ADAM12: variants seen among roughly 807,000 people sequenced by gnomAD.
ADAM12 encodes the protein ADAM metallopeptidase domain 12.
In ADAM12, 70 loss-of-function variants were observed where a neutral mutation model predicts 106.4. The ratio of observed to expected loss-of-function variants is 0.66; its 90% CI spans 0.54 to 0.80. The LOEUF (loss-of-function observed/expected upper bound fraction) is 0.80, where lower values mean the gene tolerates loss of function less well. ADAM12 is among the 30% of genes least tolerant of loss of function. The probability of loss-of-function intolerance (pLI) is 0.00; values close to 1 mark genes in which losing one functional copy is unlikely to be tolerated. For missense variants in ADAM12, 1,010 were observed against 1,171.9 expected (o/e 0.86, Z 2.02); for synonymous variants, 420 against 433.5 (o/e 0.97, Z 0.39).
chr10:126,105,731 C>G (rs537410326), intron 8 of ADAM12, among the ~76,000 whole-genome samples: 1 of 152,380 alleles, frequency 6.6e-6, no homozygotes, highest in African/African-American at 2.4e-5. Flanking sequence ...CCAGTTCTAA[C>G]TGCCGTGCTA....
intron 4 of ADAM12, 91 bp from the exon 5 acceptor site, chr10:126,135,751 A>C: frequency 8.9e-7 from 1 of 1,117,428 alleles, no homozygotes; most frequent in Non-Finnish European, 1.3e-6. Context: ...TTAACTATAG[A>C]ATTTTCCATT....
At chr10:126,210,379 C>T (rs1325433607) in intron 3 of ADAM12, among the ~76,000 whole-genome samples, 1 of 152,206 alleles carries the variant, frequency 6.6e-6, no homozygotes, top group African/African-American at 2.4e-5. Context: ...ATTTCTTCCT[C>T]ACTGCTCTGG....
At chr10:126,186,628 G>A (rs183564550) in intron 3 of ADAM12, among the ~76,000 whole-genome samples, 12 of 152,148 alleles carry the variant, frequency 7.9e-5, no homozygotes, top group Admixed American at 2.0e-4. Flanking sequence ...TGGGGGCAGT[G>A]GGCCATAGAG....
chr10:126,180,608 C>T (rs1957295795), intron 3 of ADAM12, among the ~76,000 whole-genome samples: 1 of 152,174 alleles, frequency 6.6e-6, no homozygotes, highest in Non-Finnish European at 1.5e-5. Flanking sequence ...GTCTGTCTAG[C>T]ACCTGTTTCA....
At chr10:126,290,993 A>C (rs1375452329) in intron 2 of ADAM12, among the ~76,000 whole-genome samples, 2 of 152,242 alleles carry the variant, frequency 1.3e-5, no homozygotes, top group African/African-American at 4.8e-5. Context: ...GGACATTAAA[A>C]TATTATAAAA....
intron 1 of ADAM12, among the ~76,000 whole-genome samples, chr10:126,350,777 G>A (rs1855323315): frequency 6.6e-6 from 1 of 152,202 alleles, no homozygotes; most frequent in Non-Finnish European, 1.5e-5. Context: ...AGGGTGAGTG[G>A]GAAGTGAGCC....
At chr10:126,036,430 G>C in intron 20 of ADAM12, 105 bp from the exon 21 acceptor site, 1 of 1,148,220 alleles carries the variant, frequency 8.7e-7, no homozygotes, top group South Asian at 1.7e-5. Flanking sequence ...TGAAGGCCAA[G>C]GTGGGGTAAA....
intron 11 of ADAM12, among the ~76,000 whole-genome samples, chr10:126,082,022 T>C (rs1251055658): frequency 6.6e-6 from 1 of 152,170 alleles, no homozygotes; most frequent in Non-Finnish European, 1.5e-5. Flanking sequence ...GTTTAATACA[T>C]AGATGGTGTC....
At chr10:126,121,130 A>AGTATATATAGTATATATATAGTAT (rs369707256) in intron 5 of ADAM12, among the ~76,000 whole-genome samples, 19 of 75,606 alleles carry the variant, frequency 2.5e-4, no homozygotes, top group Admixed American at 6.6e-4. Flanking sequence ...TAGTATATAT[A>AGTATATATAGTATATATATAGTAT]CTATATACTA....
intron 21 of ADAM12, among the ~76,000 whole-genome samples, chr10:126,033,479 T>TTG (rs992283490): frequency 4.5e-4 from 69 of 152,166 alleles, no homozygotes; most frequent in African/African-American, 1.5e-3. Flanking sequence ...AGTGGTGTGT[T>TTG]TGTGTGTGTG....
At chr10:126,135,701 C>T (rs531450798) in intron 4 of ADAM12, 41 bp from the exon 5 acceptor site, 2 of 1,561,072 alleles carry the variant, frequency 1.3e-6, no homozygotes, top group South Asian at 2.2e-5. Context: ...AGTTATAACA[C>T]ATTTTTGCCC....
intron 1 of ADAM12, among the ~76,000 whole-genome samples, chr10:126,354,453 G>GAACA (rs1855470155): frequency 6.6e-6 from 1 of 151,822 alleles, no homozygotes; most frequent in African/African-American, 2.4e-5. Context: ...GCAGTAGAAC[G>GAACA]TCTGCGGGAG....
Position 126,102,674 on chromosome 10 carries a change from C to G in ADAM12, c.742-1433G>C, listed in dbSNP as rs563135094. On this transcript the variant is annotated intron_variant, in intron 8 of 22. Coordinates refer to ENST00000448723, the MANE Select transcript of ADAM12 (RefSeq NM_001288973.2). The stretch of plus-strand genomic sequence containing the variant: ...TGCATTGGTCCAACTTGGTTTCAAA[C>G]AGATCACAATTACAGACATTACATT... 2.6e-5 allele frequency among the ~76,000 whole-genome samples: 4 copies of G among 152,334 alleles called. No individual in the cohort carries two copies. In the South Asian group the frequency reaches 8.3e-4, roughly 32 times the overall value.
At chr10:126,282,968 C>A (rs1225844537) in intron 2 of ADAM12, among the ~76,000 whole-genome samples, 1 of 151,948 alleles carries the variant, frequency 6.6e-6, no homozygotes, top group Non-Finnish European at 1.5e-5. Flanking sequence ...TAATGAAATA[C>A]AACTCACCAT....
chr10:126,101,382 G>C (rs1407715807), intron 8 of ADAM12, 141 bp from the exon 9 acceptor site: 3 of 837,446 alleles, frequency 3.6e-6, no homozygotes, highest in Admixed American at 5.7e-5. Context: ...GGTTCCTGTG[G>C]TGTTGGAATT....
At chr10:126,288,640 C>T (rs1023303561) in intron 2 of ADAM12, among the ~76,000 whole-genome samples, 1 of 151,306 alleles carries the variant, frequency 6.6e-6, no homozygotes, top group Non-Finnish European at 1.5e-5. Context: ...AAGGACAGGA[C>T]CATGTGGTGA....
At chr10:126,168,104 T>C (rs2133756438) in intron 3 of ADAM12, among the ~76,000 whole-genome samples, 1 of 152,220 alleles carries the variant, frequency 6.6e-6, no homozygotes, top group East Asian at 1.9e-4. Flanking sequence ...CTGAACCTCA[T>C]GTACAAAAAT....
At chr10:126,095,114 GAGATA>G (rs776147161) in intron 10 of ADAM12, among the ~76,000 whole-genome samples, 8 of 152,182 alleles carry the variant, frequency 5.3e-5, no homozygotes, top group Non-Finnish European at 1.0e-4. Context: ...ACTTAGGAAA[GAGATA>G]AGATGTTTTC....
chr10:126,270,169 T>C (rs1959168848), intron 3 of ADAM12, among the ~76,000 whole-genome samples: 1 of 152,204 alleles, frequency 6.6e-6, no homozygotes, highest in African/African-American at 2.4e-5. Context: ...TAGTCATGCT[T>C]AGAGAATTTT....
Sources: allele counts gnomAD v4.1 joint callset (sites outside exome capture counted in the v4.1 genomes callset), GRCh38; gene constraint gnomAD v4.1.1; transcripts MANE v1.5; gene names NCBI Gene and HGNC (gene_info 2026-07-23, HGNC 2026-07-21).